The following ARHGAP28 variants were observed in gnomAD, a reference collection of about 807,000 sequenced individuals.
The protein encoded by ARHGAP28 is Rho GTPase activating protein 28, also known as rho GTPase-activating protein 28.
In ARHGAP28, 56 loss-of-function variants were observed where a neutral mutation model predicts 90.7. The ratio of observed to expected loss-of-function variants is 0.62; its 90% CI spans 0.50 to 0.77. ARHGAP28 has a LOEUF of 0.77. ARHGAP28 is among the 30% of genes least tolerant of loss of function. The pLI is 0.00. For missense variants in ARHGAP28, 869 were observed against 900.9 expected (o/e 0.96, Z 0.45); for synonymous variants, 308 against 323.3 (o/e 0.95, Z 0.51).
chr18:6,900,218 A>T (rs1156239860), intron 16 of ARHGAP28, among the ~76,000 whole-genome samples: 1 of 152,182 alleles, frequency 6.6e-6, no homozygotes, highest in African/African-American at 2.4e-5. Flanking sequence ...ATGAAAATTA[A>T]ATAAGCCCCA....
intron 5 of ARHGAP28, 152 bp downstream of exon 5, chr18:6,860,049 T>C: frequency 1.5e-6 from 1 of 662,020 alleles, no homozygotes. Context: ...GTAGAACTAC[T>C]AACTTTGTAA....
At chr18:6,855,596 G>A (rs2056946625) in intron 4 of ARHGAP28, among the ~76,000 whole-genome samples, 1 of 152,148 alleles carries the variant, frequency 6.6e-6, no homozygotes, top group South Asian at 2.1e-4. Flanking sequence ...CCAAATGGTG[G>A]GACTGAAAGA....
chr18:6,824,958 G>T lies in ARHGAP28; in HGVS notation c.319G>T (p.Val107Leu). ...EEPPPAEVTP[V>L]DEGELEAEWL... ...GCCACCGCCAGCTGAGGTCACACCT[G>T]TGGATGGTAAGTTGCTGGATTTGTC... is the stretch of plus-strand genomic sequence containing the variant. The change falls in exon 2 of 18, where the codon GTG becomes TTG. Residue 107 changes from valine to leucine, a missense_variant. Val to Leu is a conservative substitution (Grantham distance 32). Coordinates refer to ENST00000383472, the MANE Select transcript of ARHGAP28 (RefSeq NM_001366230.1). 12 of 1,530,506 alleles carry T rather than the reference G, an allele frequency of 7.8e-6. No individual in the cohort carries two copies. The highest frequency in any genetic ancestry group is 1.0e-5 in the Non-Finnish European group (12 of 1,144,168). 94.8% of individuals were successfully genotyped at this position (1,530,506 alleles called of 1,614,324 possible). A position where few individuals can be genotyped will look rare whatever the true frequency, so the allele number is the denominator to read the frequency against.
chr18:6,839,006 C>T (rs1046498153), intron 3 of ARHGAP28, among the ~76,000 whole-genome samples: 1 of 152,144 alleles, frequency 6.6e-6, no homozygotes, highest in African/African-American at 2.4e-5. Context: ...CAGACATCAC[C>T]CAGCAGCATC....
At chr18:6,808,126 C>A (rs974878116) in intron 1 of ARHGAP28, among the ~76,000 whole-genome samples, 1 of 152,060 alleles carries the variant, frequency 6.6e-6, no homozygotes, top group African/African-American at 2.4e-5. Flanking sequence ...ATTTATGAGG[C>A]CATCTGATAT....
intron 3 of ARHGAP28, among the ~76,000 whole-genome samples, chr18:6,840,974 A>G (rs954726850): frequency 2.6e-5 from 4 of 152,270 alleles, no homozygotes; most frequent in Admixed American, 2.6e-4. Context: ...GTTGTTTCCT[A>G]AAAAATTCGG....
chr18:6,850,758 A>G (rs766657411), intron 3 of ARHGAP28: 278 of 1,482,294 alleles, frequency 1.9e-4, no homozygotes, highest in Non-Finnish European at 2.4e-4. Flanking sequence ...CATGATATTC[A>G]TAAGTTAGGA....
chr18:6,832,209 C>T (rs1473751249), intron 2 of ARHGAP28, among the ~76,000 whole-genome samples: 1 of 151,640 alleles, frequency 6.6e-6, no homozygotes, highest in South Asian at 2.1e-4. Flanking sequence ...TTTTAATTTA[C>T]AAATTTTTGG....
intron 1 of ARHGAP28, among the ~76,000 whole-genome samples, chr18:6,795,204 A>T (rs919779232): frequency 6.6e-6 from 1 of 152,296 alleles, no homozygotes; most frequent in African/African-American, 2.4e-5. Flanking sequence ...ACAAAGATTC[A>T]GAGTATGAAA....
At chr18:6,839,439 G>A (rs552678090) in intron 3 of ARHGAP28, among the ~76,000 whole-genome samples, 13 of 151,912 alleles carry the variant, frequency 8.6e-5, no homozygotes, top group Non-Finnish European at 1.0e-4. Context: ...GACTATAGGC[G>A]CCAGCCACCA....
intron 1 of ARHGAP28, among the ~76,000 whole-genome samples, chr18:6,743,852 T>C (rs2143201295): frequency 6.6e-6 from 1 of 152,356 alleles, no homozygotes; most frequent in Middle Eastern, 3.4e-3. Context: ...TATTGGATGC[T>C]GGGGCTACAA....
At chr18:6,754,727 T>C (rs1049239726) in intron 1 of ARHGAP28, 3 of 152,230 alleles carry the variant, frequency 2.0e-5, no homozygotes, top group Admixed American at 6.5e-5. Context: ...TATTGTGAAA[T>C]GAAGCCCTGG....
chr18:6,783,303 CTT>C (rs1272954141), intron 1 of ARHGAP28, among the ~76,000 whole-genome samples: 20 of 140,786 alleles, frequency 1.4e-4, no homozygotes, highest in Non-Finnish European at 1.6e-4. Context: ...AGGGTATTTA[CTT>C]TTTTTTTTTT....
At chr18:6,893,943 T>A (rs370853825) in intron 14 of ARHGAP28, among the ~76,000 whole-genome samples, 1 of 149,680 alleles carries the variant, frequency 6.7e-6, no homozygotes, top group Non-Finnish European at 1.5e-5. Flanking sequence ...CTCGGCTCGC[T>A]GCAACCTCCA....
chr18:6,750,441 T>C (rs1182415495), intron 1 of ARHGAP28, among the ~76,000 whole-genome samples: 3 of 152,228 alleles, frequency 2.0e-5, no homozygotes, highest in African/African-American at 7.2e-5. Context: ...TCTTCCCCAA[T>C]CTTCACCTGG....
At chr18:6,794,867 G>C (rs2056430579) in intron 1 of ARHGAP28, among the ~76,000 whole-genome samples, 1 of 151,956 alleles carries the variant, frequency 6.6e-6, no homozygotes, top group Non-Finnish European at 1.5e-5. Context: ...ATTTTTTATA[G>C]AGACAGGGTT....
rs150289447 is a variant in ARHGAP28, at chr18:6,773,631, T to G, written c.122+43688T>G. Among the ~76,000 whole-genome samples the G allele has an allele frequency of 1.1e-3, 168 of 152,298 alleles. 1 individual carries two copies. Among genetic ancestry groups the G allele is most frequent in the African/African-American group, 3.9e-3 (161 of 41,560 alleles). ...CCTTCTGACCATAAGTTGCGTGGTT[T>G]CTCTCTGCATTGCTGCTTGGTATTT... On this transcript the variant is annotated intron_variant, in intron 1 of 17. Coordinates refer to ENST00000383472, the MANE Select transcript of ARHGAP28 (RefSeq NM_001366230.1).
intron 1 of ARHGAP28, among the ~76,000 whole-genome samples, chr18:6,815,966 T>A (rs1019418542): frequency 2.0e-5 from 3 of 152,144 alleles, no homozygotes; most frequent in African/African-American, 7.2e-5. Flanking sequence ...AAGTAAAGAT[T>A]TGTTTGCTGT....
intron 1 of ARHGAP28, among the ~76,000 whole-genome samples, chr18:6,760,497 T>C (rs2143326859): frequency 6.6e-6 from 1 of 152,318 alleles, no homozygotes; most frequent in Middle Eastern, 3.4e-3. Context: ...TGTGAAATTA[T>C]TTTAAAAGAA....
Sources: gnomAD v4.1 joint callset for allele counts (sites outside exome capture counted in the v4.1 genomes callset) on GRCh38, gnomAD v4.1.1 for gene constraint, MANE v1.5 for transcripts, NCBI Gene and HGNC (gene_info 2026-07-23, HGNC 2026-07-21) for gene names.